Variants in SH3PXD2B observed in about 807,000 individuals in gnomAD.
SH3PXD2B encodes the protein SH3 and PX domains 2B.
A neutral mutation model predicts 73.1 loss-of-function variants in SH3PXD2B; 37 were observed. The ratio of observed to expected loss-of-function variants is 0.51; its 90% CI spans 0.39 to 0.67. The LOEUF is 0.67. SH3PXD2B is among the 30% of genes least tolerant of loss of function. SH3PXD2B has a pLI of 0.00. For missense variants in SH3PXD2B, 1,053 were observed against 1,197.8 expected (o/e 0.88, Z 1.78); for synonymous variants, 457 against 480.5 (o/e 0.95, Z 0.64).
chr5:172,358,669 C>T (rs1757332714), intron 8 of SH3PXD2B, 104 bp downstream of exon 8: 3 of 1,056,728 alleles, frequency 2.8e-6, no homozygotes, highest in Admixed American at 4.0e-5. Flanking sequence ...TGCTGAGACG[C>T]AGAGGCAGAG....
At position 172,411,078 on chromosome 5, in the gene SH3PXD2B, G is replaced by A. The variant is rs570572521; in HGVS notation, c.157-4726C>T. 5.9e-5 allele frequency among the ~76,000 whole-genome samples: 9 copies of A among 152,300 alleles called. No homozygotes were observed. The South Asian group carries it at 1.7e-3, about 28-fold the overall frequency. On this transcript the variant is annotated intron_variant, in intron 2 of 12. Transcript: ENST00000311601. ...CATGTGAACAGCATGCTTTCTTTTC[G>A]AAAGCAGAGCCATTAATCAGTCTCA...
intron 8 of SH3PXD2B, among the ~76,000 whole-genome samples, chr5:172,354,791 C>T (rs558253142): frequency 1.2e-4 from 18 of 152,318 alleles, no homozygotes; most frequent in South Asian, 4.1e-4. Context: ...AACTTTCATT[C>T]GTGTGACTGG....
Position 172,368,883 on chromosome 5 carries a change from T to TTA in SH3PXD2B, c.427+4906_427+4907insTA, listed in dbSNP as rs1554137102. On this transcript the variant is annotated intron_variant, in intron 6 of 12. Transcript: ENST00000311601. Reference sequence around the variant, plus strand: ...TATATATGTTTTTAAATATATAATATAAAAAAAAATATATATATATATATT... The same window carrying TTA: ...TATATATGTTTTTAAATATATAATATTAAAAAAAAAATATATATATATATATT... 7.6e-4 allele frequency among the ~76,000 whole-genome samples: 100 copies of TTA among 131,456 alleles called. 2 individuals are homozygous for TTA. Among genetic ancestry groups the TTA allele is most frequent in the African/African-American group, 2.9e-3 (97 of 33,236 alleles). 86.2% of individuals were successfully genotyped at this position (131,456 alleles called of 152,430 possible). A position where few individuals can be genotyped will look rare whatever the true frequency, so the allele number is the denominator to read the frequency against.
In SH3PXD2B at chr5:172,335,284, C is replaced by T. The variant is rs1351250004; in HGVS notation, c.*3085G>A. The T allele has an allele frequency of 1.8e-6, 2 of 1,133,202 alleles. No individual in the cohort carries two copies. The highest frequency in any genetic ancestry group is 4.5e-5 in the East Asian group (1 of 22,108). The allele number at this position is 1,133,202 out of a possible 1,614,324, so 70.2% of individuals were successfully genotyped here. On this transcript the variant is annotated 3_prime_UTR_variant, in exon 13 of 13. Transcript: ENST00000311601. ...CCCACCTTTTGGGCTGCCATTTGGC[C>T]TGTGACCTACTGAAATGTGTGAGCA... is the stretch of plus-strand genomic sequence containing the variant.
intron 1 of SH3PXD2B, among the ~76,000 whole-genome samples, chr5:172,442,476 T>C (rs1229518484): frequency 6.6e-6 from 1 of 152,234 alleles, no homozygotes; most frequent in Non-Finnish European, 1.5e-5. Context: ...TATATATCAT[T>C]TATTTAATCA....
intron 1 of SH3PXD2B, among the ~76,000 whole-genome samples, chr5:172,425,355 C>G (rs185693731): frequency 6.6e-6 from 1 of 152,056 alleles, no homozygotes; most frequent in South Asian, 2.1e-4. Flanking sequence ...GCAAACCTGC[C>G]GACATGCTGG....
intron 3 of SH3PXD2B, among the ~76,000 whole-genome samples, chr5:172,398,545 A>G (rs767567405): frequency 1.3e-5 from 2 of 152,190 alleles, no homozygotes; most frequent in Admixed American, 6.5e-5. Context: ...TCAAAGTTTG[A>G]GCCGCCGTGT....
chr5:172,402,934 C>T (rs532280503), intron 3 of SH3PXD2B, among the ~76,000 whole-genome samples: 23 of 152,396 alleles, frequency 1.5e-4, no homozygotes, highest in African/African-American at 4.3e-4. Context: ...CATTTACCCA[C>T]AGCAGAGCCC....
intron 5 of SH3PXD2B, among the ~76,000 whole-genome samples, chr5:172,376,326 G>C (rs1305891810): frequency 6.6e-6 from 1 of 152,220 alleles, no homozygotes; most frequent in South Asian, 2.1e-4. Context: ...ACCATGCCTG[G>C]CCTATCTATC....
chr5:172,444,508 G>A (rs891769426), intron 1 of SH3PXD2B, among the ~76,000 whole-genome samples: 1 of 152,198 alleles, frequency 6.6e-6, no homozygotes, highest in African/African-American at 2.4e-5. Flanking sequence ...TGAGCACATA[G>A]TAAGCGCTTA....
At position 172,335,367 on chromosome 5, in the gene SH3PXD2B, G is replaced by A. The variant is rs1756662267; in HGVS notation, c.*3002C>T. 1 of 1,217,084 alleles carries A rather than the reference G, an allele frequency of 8.2e-7. No individual in the cohort carries two copies. Among genetic ancestry groups the A allele is most frequent in the Non-Finnish European group, 1.0e-6 (1 of 979,208 alleles). The allele number at this position is 1,217,084 out of a possible 1,614,324, so 75.4% of individuals were successfully genotyped here. A position where few individuals can be genotyped will look rare whatever the true frequency, so the allele number is the denominator to read the frequency against. Reference sequence around the variant, plus strand: ...GGGAGGGTCACTTGATTCCCTGGAAGCCCTCCGCACACTTCCCTGCTAATG... The same window carrying A: ...GGGAGGGTCACTTGATTCCCTGGAAACCCTCCGCACACTTCCCTGCTAATG... On this transcript the variant is annotated 3_prime_UTR_variant, in exon 13 of 13. Coordinates refer to ENST00000311601, the MANE Select transcript of SH3PXD2B (RefSeq NM_001017995.3).
chr5:172,389,212 C>T (rs774331288), intron 4 of SH3PXD2B, among the ~76,000 whole-genome samples: 8 of 151,942 alleles, frequency 5.3e-5, no homozygotes, highest in Non-Finnish European at 1.0e-4. Flanking sequence ...CCGACCACCA[C>T]ACCTGGATAA....
chr5:172,407,966 G>A (rs1183017058), intron 2 of SH3PXD2B, among the ~76,000 whole-genome samples: 1 of 152,184 alleles, frequency 6.6e-6, no homozygotes, highest in Non-Finnish European at 1.5e-5. Flanking sequence ...CCTCGCCTCT[G>A]AAATGCTACA....
intron 2 of SH3PXD2B, among the ~76,000 whole-genome samples, chr5:172,410,025 A>G (rs1758656603): frequency 6.6e-6 from 1 of 152,072 alleles, no homozygotes; most frequent in South Asian, 2.1e-4. Context: ...CCATACCACA[A>G]TTTCTTTATC....
intron 1 of SH3PXD2B, among the ~76,000 whole-genome samples, chr5:172,450,139 T>C (rs564731824): frequency 6.6e-6 from 1 of 152,190 alleles, no homozygotes; most frequent in African/African-American, 2.4e-5. Context: ...GACGGTTGCA[T>C]AGCTCTGCAA....
intron 3 of SH3PXD2B, among the ~76,000 whole-genome samples, chr5:172,396,610 G>A (rs868229373): frequency 1.0e-4 from 14 of 137,252 alleles, no homozygotes; most frequent in African/African-American, 3.3e-4. Context: ...AAAAAAGAGA[G>A]AAAGCCTTTT....
downstream of SH3PXD2B, among the ~76,000 whole-genome samples, chr5:172,329,083 A>ATATATATTTTTTTT (rs58472514): frequency 1.6e-5 from 1 of 61,818 alleles, no homozygotes; most frequent in Non-Finnish European, 2.7e-5. Context: ...ATATATATAT[A>ATATATATTTTTTTT]TTTTTTTTTT....
At position 172,445,230 on chromosome 5, in the gene SH3PXD2B, C is replaced by T. The variant is rs984367784; in HGVS notation, c.75+9048G>A. On this transcript the variant is annotated intron_variant, in intron 1 of 12. Transcript: ENST00000311601. This position sits in a 1 kb window ranked among gnomAD's most constrained non-coding sequence, Gnocchi z 5.2. ...AGGTCTCAATCCCTGCTTTGTCTAT[C>T]CACATGTCATCTCTGTCGCCCAGGC... Among the ~76,000 whole-genome samples the T allele has an allele frequency of 6.6e-6, 1 of 152,220 alleles. No homozygotes were observed. The highest frequency in any genetic ancestry group is 2.1e-4 in the South Asian group (1 of 4,828).
intron 4 of SH3PXD2B, among the ~76,000 whole-genome samples, chr5:172,388,726 C>T (rs867308335): frequency 6.6e-6 from 1 of 152,214 alleles, no homozygotes; most frequent in East Asian, 1.9e-4. Flanking sequence ...GCAGAATAGG[C>T]TGATTTGGGC....
Sources: allele counts gnomAD v4.1 joint callset (sites outside exome capture counted in the v4.1 genomes callset), GRCh38; gene constraint gnomAD v4.1.1; non-coding constraint Gnocchi (gnomAD v3.1); transcripts MANE v1.5; gene names NCBI Gene and HGNC (gene_info 2026-07-23, HGNC 2026-07-21).